MARCHF3: variants seen among roughly 807,000 people sequenced by gnomAD.
MARCHF3 encodes E3 ubiquitin-protein ligase MARCHF3.
MARCHF3 carries 13 observed loss-of-function variants against 24.2 expected under a neutral mutation model. The ratio of observed to expected loss-of-function variants is 0.54; its 90% confidence interval spans 0.35 to 0.85. The LOEUF (loss-of-function observed/expected upper bound fraction) is 0.85, where lower values mean the gene tolerates loss of function less well. Ranked by LOEUF, MARCHF3 falls within the 40% of genes least tolerant of loss-of-function variation. MARCHF3 has a pLI of 0.01. For missense variants in MARCHF3, 276 were observed against 325.0 expected (o/e 0.85, Z 1.16); for synonymous variants, 144 against 137.3 (o/e 1.05, Z -0.34).
chr5:126,881,861 AGACAGACACACAGAGTGAGAGAGAGG>A (rs1172921484), intron 3 of MARCHF3, among the ~76,000 whole-genome samples: 1 of 152,192 alleles, frequency 6.6e-6, no homozygotes, highest in Admixed American at 6.5e-5. Context: ...AAAGGGAGAG[AGACAGACACACAGAGTGAGAGAGAGG>A]GACAGACAAG....
chr5:126,922,526 T>TTATTTATC (rs1749144740), intron 1 of MARCHF3, among the ~76,000 whole-genome samples: 1 of 149,596 alleles, frequency 6.7e-6, no homozygotes, highest in Non-Finnish European at 1.5e-5. Context: ...ATTTATTTAT[T>TTATTTATC]TATTTATTTA....
At chr5:127,006,445 A>C (rs1752316194) in intron 1 of MARCHF3, among the ~76,000 whole-genome samples, 1 of 152,166 alleles carries the variant, frequency 6.6e-6, no homozygotes, top group African/African-American at 2.4e-5. Context: ...CACAGACTGT[A>C]AACATTTACA....
intron 1 of MARCHF3, among the ~76,000 whole-genome samples, chr5:126,965,956 G>T (rs557419415): frequency 1.2e-4 from 18 of 152,236 alleles, no homozygotes; most frequent in African/African-American, 4.1e-4. Flanking sequence ...ACAGGTGAAT[G>T]GATAAATAAT....
chr5:127,029,698 G>C (rs990348030), intron 1 of MARCHF3, among the ~76,000 whole-genome samples: 3 of 150,958 alleles, frequency 2.0e-5, no homozygotes, highest in Non-Finnish European at 2.9e-5. Context: ...AGAACCGACA[G>C]CAGCTCCCGC....
chr5:126,883,834 C>T (rs1472912218), intron 3 of MARCHF3, among the ~76,000 whole-genome samples: 1 of 152,196 alleles, frequency 6.6e-6, no homozygotes, highest in Non-Finnish European at 1.5e-5. Flanking sequence ...CCAGATTACA[C>T]TCTGGTGGCT....
intron 1 of MARCHF3, among the ~76,000 whole-genome samples, chr5:127,003,454 CGA>C (rs1752205164): frequency 8.4e-6 from 1 of 119,506 alleles, no homozygotes; most frequent in African/African-American, 3.3e-5. Context: ...GGCGACAGAG[CGA>C]GACTCCGTCT....
intron 1 of MARCHF3, among the ~76,000 whole-genome samples, chr5:126,982,125 T>C (rs1751415134): frequency 6.6e-6 from 1 of 152,194 alleles, no homozygotes; most frequent in South Asian, 2.1e-4. Flanking sequence ...TGTCCAAACA[T>C]TTACTTCTGT....
At chr5:126,916,423 G>A (rs1182238467) in intron 2 of MARCHF3, among the ~76,000 whole-genome samples, 3 of 152,116 alleles carry the variant, frequency 2.0e-5, no homozygotes, top group Non-Finnish European at 2.9e-5. Flanking sequence ...AATAGCCATG[G>A]AAGACTGCTG....
chr5:126,928,311 A>G (rs1459666138), intron 1 of MARCHF3, among the ~76,000 whole-genome samples: 1 of 152,228 alleles, frequency 6.6e-6, no homozygotes, highest in Non-Finnish European at 1.5e-5. Flanking sequence ...ATGCTGAAGA[A>G]AGCAAGTTAT....
At chr5:127,026,863 G>T (rs182468604) in intron 1 of MARCHF3, among the ~76,000 whole-genome samples, 1 of 152,202 alleles carries the variant, frequency 6.6e-6, no homozygotes, top group Non-Finnish European at 1.5e-5. Context: ...TTCCAGTGAC[G>T]ATCCAGTGGT....
chr5:127,000,504 A>G (rs1752092267), intron 1 of MARCHF3, among the ~76,000 whole-genome samples: 1 of 152,146 alleles, frequency 6.6e-6, no homozygotes, highest in Non-Finnish European at 1.5e-5. Context: ...AGGAGTAACA[A>G]GTGGGACCAG....
At chr5:126,898,070 T>C (rs1236565468) in intron 3 of MARCHF3, among the ~76,000 whole-genome samples, 2 of 151,804 alleles carry the variant, frequency 1.3e-5, no homozygotes, top group Admixed American at 6.6e-5. Flanking sequence ...AGCTGGAGAG[T>C]GAAGGCTGCA....
intron 3 of MARCHF3, among the ~76,000 whole-genome samples, chr5:126,905,038 G>A (rs2126785494): frequency 1.1e-5 from 1 of 91,784 alleles, no homozygotes; most frequent in South Asian, 4.5e-4. Context: ...CATATGGCTA[G>A]CCAGTTTTCC....
intron 1 of MARCHF3, among the ~76,000 whole-genome samples, chr5:126,928,827 C>T (rs1034091696): frequency 3.3e-5 from 5 of 152,062 alleles, no homozygotes; most frequent in Non-Finnish European, 7.4e-5. Context: ...TTCTTCCTTC[C>T]TTTTTATTAT....
intron 1 of MARCHF3, 64 bp downstream of exon 1, chr5:127,030,286 G>T (rs942524990): frequency 6.6e-6 from 1 of 152,224 alleles, no homozygotes; most frequent in African/African-American, 2.4e-5. Context: ...GACGCGTCCC[G>T]TCCCCTCTCG....
At chr5:126,921,092 A>ATGAT (rs1162111513) in intron 1 of MARCHF3, among the ~76,000 whole-genome samples, 9 of 151,884 alleles carry the variant, frequency 5.9e-5, no homozygotes, top group Admixed American at 3.9e-4. Flanking sequence ...CCTAACTAAA[A>ATGAT]TGATAGTCCG....
intron 1 of MARCHF3, among the ~76,000 whole-genome samples, chr5:126,995,540 C>T (rs762290725): frequency 6.6e-6 from 1 of 152,144 alleles, no homozygotes; most frequent in Non-Finnish European, 1.5e-5. Flanking sequence ...GAACATAATA[C>T]AGAAAAAAGA....
At chr5:126,913,129 T>C (rs1259924736) in intron 3 of MARCHF3, among the ~76,000 whole-genome samples, 2 of 152,214 alleles carry the variant, frequency 1.3e-5, no homozygotes, top group African/African-American at 4.8e-5. Flanking sequence ...ACTGGGTGAT[T>C]TGCCACATGG....
At chr5:126,921,393 G>A (rs1749102890) in intron 1 of MARCHF3, among the ~76,000 whole-genome samples, 1 of 152,158 alleles carries the variant, frequency 6.6e-6, no homozygotes, top group South Asian at 2.1e-4. Context: ...GAAGCCCAGA[G>A]GCCTAGATGC....
Sources: allele counts gnomAD v4.1 joint callset (sites outside exome capture counted in the v4.1 genomes callset), GRCh38; gene constraint gnomAD v4.1.1; transcripts MANE v1.5; gene names NCBI Gene and HGNC (gene_info 2026-07-23, HGNC 2026-07-21).